Variants in PLXNA4 observed in about 807,000 individuals in gnomAD.
PLXNA4 encodes the protein plexin A4.
Under a neutral mutation model 191.8 loss-of-function variants are expected in PLXNA4, and 44 were observed. The ratio of observed to expected loss-of-function variants is 0.23; its 90% CI spans 0.18 to 0.29. The LOEUF (loss-of-function observed/expected upper bound fraction) is 0.29, where lower values mean the gene tolerates loss of function less well. PLXNA4 is among the 10% of genes least tolerant of loss of function. PLXNA4 has a pLI of 1.00. For synonymous variants in PLXNA4, 1,082 were observed against 1,009.5 expected (o/e 1.07, Z -1.36); for missense variants, 1,800 against 2,488.8 (o/e 0.72, Z 5.89).
intron 30 of PLXNA4, among the ~76,000 whole-genome samples, chr7:132,136,091 C>T (rs1432083835): frequency 2.0e-5 from 3 of 152,112 alleles, no homozygotes; most frequent in Non-Finnish European, 2.9e-5. Context: ...TTTGTTGATG[C>T]TGTCTTGACC....
chr7:132,349,561 G>C (rs1366667919), intron 3 of PLXNA4, among the ~76,000 whole-genome samples: 1 of 152,190 alleles, frequency 6.6e-6, no homozygotes, highest in Non-Finnish European at 1.5e-5. Flanking sequence ...TCAGGGACAG[G>C]AAACTTGATA....
chr7:132,439,990 G>A (rs1456557110), intron 3 of PLXNA4, among the ~76,000 whole-genome samples: 1 of 28,996 alleles, frequency 3.4e-5, no homozygotes, highest in Non-Finnish European at 1.1e-4. Flanking sequence ...GCATGTGCAT[G>A]TGTGAGTGTG....
At chr7:132,501,415 G>A (rs1455072152) in intron 2 of PLXNA4, among the ~76,000 whole-genome samples, 1 of 152,178 alleles carries the variant, frequency 6.6e-6, no homozygotes, top group African/African-American at 2.4e-5. Flanking sequence ...CTGACTTTGT[G>A]CTAAGCTCTC....
At chr7:132,543,431 T>A (rs1800165573) in intron 1 of PLXNA4, among the ~76,000 whole-genome samples, 2 of 152,230 alleles carry the variant, frequency 1.3e-5, no homozygotes, top group South Asian at 4.1e-4. Flanking sequence ...GATTTCCAGC[T>A]TCTTCCAAAA....
chr7:132,567,122 A>G (rs1374493948), intron 1 of PLXNA4, among the ~76,000 whole-genome samples: 2 of 152,294 alleles, frequency 1.3e-5, no homozygotes, highest in Admixed American at 1.3e-4. Flanking sequence ...GGCAAAGAAT[A>G]AATAGGTTTC....
At chr7:132,370,760 C>T (rs1804404037) in intron 3 of PLXNA4, among the ~76,000 whole-genome samples, 2 of 152,182 alleles carry the variant, frequency 1.3e-5, no homozygotes, top group South Asian at 4.1e-4. Flanking sequence ...TCACCCCTTT[C>T]CCTGCCCTGC....
At chr7:132,596,761 G>C (rs1032054761) in intron 2 of PLXNA4, among the ~76,000 whole-genome samples, 63 of 151,720 alleles carry the variant, frequency 4.2e-4, no homozygotes, top group African/African-American at 1.4e-3. Context: ...AAGGAAGGCT[G>C]TGACAACTTT....
intron 4 of PLXNA4, among the ~76,000 whole-genome samples, chr7:132,282,965 C>T (rs775945309): frequency 5.9e-5 from 9 of 152,074 alleles, no homozygotes; most frequent in Non-Finnish European, 1.3e-4. Context: ...CAGCCTCGAT[C>T]TCCTGGGCTC....
At chr7:132,257,655 G>C (rs1799479184) in intron 4 of PLXNA4, among the ~76,000 whole-genome samples, 1 of 152,214 alleles carries the variant, frequency 6.6e-6, no homozygotes, top group South Asian at 2.1e-4. Context: ...GGAGCCCACA[G>C]GTGGGCCAAT....
chr7:132,432,190 C>T (rs992592595), intron 3 of PLXNA4, among the ~76,000 whole-genome samples: 2 of 152,158 alleles, frequency 1.3e-5, no homozygotes, highest in African/African-American at 4.8e-5. Context: ...GGTACCAGAA[C>T]TGGTGACGGA....
At chr7:132,446,233 C>T (rs277468) in intron 3 of PLXNA4, among the ~76,000 whole-genome samples, 132,014 of 152,202 alleles carry the variant, frequency 0.87, 57,766 homozygotes, top group Non-Finnish European at 0.93. Flanking sequence ...TTCATCCCCA[C>T]TAGTAAAGGT....
At chr7:132,511,125 G>A (rs1266676107) in intron 1 of PLXNA4, among the ~76,000 whole-genome samples, 1 of 152,054 alleles carries the variant, frequency 6.6e-6, no homozygotes, top group African/African-American at 2.4e-5. Flanking sequence ...ATATAGAGGA[G>A]GCTCAACAAC....
At chr7:132,223,903 TG>T (rs1798227484) in intron 8 of PLXNA4, among the ~76,000 whole-genome samples, 1 of 152,024 alleles carries the variant, frequency 6.6e-6, no homozygotes, top group Non-Finnish European at 1.5e-5. Context: ...TCCATCTCCA[TG>T]GGATAACATC....
At chr7:132,443,587 C>T (rs936372823) in intron 3 of PLXNA4, among the ~76,000 whole-genome samples, 10 of 152,208 alleles carry the variant, frequency 6.6e-5, no homozygotes, top group Non-Finnish European at 1.0e-4. Flanking sequence ...CAAATAAAGA[C>T]GATGAGCCGA....
chr7:132,478,376 A>T (rs553781073), intron 3 of PLXNA4, among the ~76,000 whole-genome samples: 4 of 152,244 alleles, frequency 2.6e-5, no homozygotes, highest in Non-Finnish European at 5.9e-5. Context: ...CATTTAAAAA[A>T]ATATGTTTAC....
At position 132,125,839 on chromosome 7, in the gene PLXNA4, C is replaced by A. The variant is rs1245057733; in HGVS notation, c.*4640G>T. 6.6e-6 allele frequency: 1 copy of A among 152,142 alleles called. No homozygotes were observed. Among genetic ancestry groups the A allele is most frequent in the African/African-American group, 2.4e-5 (1 of 41,412 alleles). The allele number at this position is 152,142 out of a possible 1,614,324, so 9.4% of individuals were successfully genotyped here. On this transcript the variant is annotated 3_prime_UTR_variant, in exon 32 of 32. Transcript: ENST00000321063. The stretch of plus-strand genomic sequence containing the variant: ...GAGGTGACTCAGTCATGGAAAGACC[C>A]CTTGAAGGCCTTGAAGAGCTGGCTG...
intron 1 of PLXNA4, among the ~76,000 whole-genome samples, chr7:132,546,624 G>A (rs1304460932): frequency 2.0e-5 from 3 of 152,208 alleles, no homozygotes; most frequent in African/African-American, 4.8e-5. Flanking sequence ...ACACTGGAGA[G>A]CAGAGGGGAG....
chr7:132,508,806 G>A lies in PLXNA4; in HGVS notation c.-86-27C>T. On this transcript the variant is annotated intron_variant, in intron 1 of 31. Coordinates refer to ENST00000321063, the MANE Select transcript of PLXNA4 (RefSeq NM_020911.2). This position sits in a 1 kb window ranked among gnomAD's most constrained non-coding sequence, Gnocchi z 4.4. ...TGGAGAAAGGGAAGACAATGAGCTG[G>A]ATAACAATGCCAGTGGCTTCATTTC... 3 of 1,431,224 alleles carry A rather than the reference G, an allele frequency of 2.1e-6. No homozygotes were observed. Among genetic ancestry groups the A allele is most frequent in the Non-Finnish European group, 2.7e-6 (3 of 1,096,224 alleles). The allele number at this position is 1,431,224 out of a possible 1,614,324, so 88.7% of individuals were successfully genotyped here.
chr7:132,430,359 A>C (rs1427890063), intron 3 of PLXNA4, among the ~76,000 whole-genome samples: 2 of 152,156 alleles, frequency 1.3e-5, no homozygotes, highest in African/African-American at 4.8e-5. Context: ...AGCTCAGGAA[A>C]TGCTGAGTGA....
Sources: gnomAD v4.1 joint callset for allele counts (sites outside exome capture counted in the v4.1 genomes callset) on GRCh38, gnomAD v4.1.1 for gene constraint, Gnocchi (gnomAD v3.1) non-coding constraint, MANE v1.5 for transcripts, NCBI Gene and HGNC (gene_info 2026-07-23, HGNC 2026-07-21) for gene names.